CHD7: variants seen among roughly 807,000 people sequenced by gnomAD.
CHD7 encodes the protein chromodomain helicase DNA binding protein 7, also known as ATP-dependent chromatin remodeler CHD7.
A neutral mutation model predicts 307.3 loss-of-function variants in CHD7; 24 were observed. That is an observed-to-expected ratio of 0.08 (90% CI 0.06 to 0.11). The LOEUF is 0.11. CHD7 is among the 10% of genes least tolerant of loss of function. CHD7 has a pLI of 1.00. For synonymous variants in CHD7, 1,363 were observed against 1,349.9 expected (o/e 1.01, Z -0.21); for missense variants, 3,106 against 3,727.1 (o/e 0.83, Z 4.34).
chr8:60,809,778 A>G (rs913740127), intron 7 of CHD7, among the ~76,000 whole-genome samples: 2 of 151,902 alleles, frequency 1.3e-5, no homozygotes, highest in East Asian at 1.9e-4. Flanking sequence ...TGTTAGCCTT[A>G]TATTTGGATA....
chr8:60,800,100 G>A (rs753711722), intron 4 of CHD7, among the ~76,000 whole-genome samples: 22 of 151,378 alleles, frequency 1.5e-4, no homozygotes, highest in Non-Finnish European at 2.4e-4. Context: ...GCGAAATCTC[G>A]GCTCACTGCA....
At chr8:60,688,311 C>A (rs1013045673) in intron 1 of CHD7, among the ~76,000 whole-genome samples, 1 of 146,246 alleles carries the variant, frequency 6.8e-6, no homozygotes, top group African/African-American at 2.6e-5. Flanking sequence ...CTCCAGCTAA[C>A]ATACTTGGTA....
chr8:60,690,859 G>T (rs1253854428), intron 1 of CHD7, among the ~76,000 whole-genome samples: 4 of 152,188 alleles, frequency 2.6e-5, no homozygotes, highest in African/African-American at 4.8e-5. Flanking sequence ...GACAGTCGCC[G>T]ACTCCCTGTC....
chr8:60,740,654 A>G (rs1221743704), intron 1 of CHD7, among the ~76,000 whole-genome samples: 2 of 152,256 alleles, frequency 1.3e-5, no homozygotes, highest in Non-Finnish European at 2.9e-5. Context: ...CATTATGAAC[A>G]CTTTCTTGTT....
intron 7 of CHD7, among the ~76,000 whole-genome samples, chr8:60,812,662 CAAA>C (rs143111740): frequency 6.1e-5 from 5 of 81,996 alleles, no homozygotes; most frequent in African/African-American, 7.4e-5. Context: ...GACTACATCT[CAAA>C]AAAAAAAAAA....
chr8:60,766,970 A>G (rs893347132), intron 2 of CHD7, among the ~76,000 whole-genome samples: 11 of 152,220 alleles, frequency 7.2e-5, no homozygotes, highest in African/African-American at 2.7e-4. Context: ...CCAAACTCGG[A>G]GGCCTGGAGC....
chr8:60,757,908 C>T (rs1809973511), intron 2 of CHD7, among the ~76,000 whole-genome samples: 1 of 152,100 alleles, frequency 6.6e-6, no homozygotes, highest in South Asian at 2.1e-4. Context: ...AACTGCTTGT[C>T]TGTTTATAAT....
intron 34 of CHD7, 114 bp downstream of exon 34, chr8:60,857,002 T>G: frequency 1.2e-6 from 1 of 864,700 alleles, no homozygotes; most frequent in Non-Finnish European, 1.8e-6. Context: ...AAAGCCAGCT[T>G]CCTCCACTAA....
chr8:60,741,807 C>G lies in CHD7; in HGVS notation c.375C>G (p.Val125=). The G allele has an allele frequency of 6.2e-7, 1 of 1,613,910 alleles. No homozygotes were observed. The highest frequency in any genetic ancestry group is 8.5e-7 in the Non-Finnish European group (1 of 1,179,858). ...GCAGTGGTGGCGGTCAGATGGGTGT[C>G]TACCCTGGCATGCAGAATGAGAGGC... ...HGGSGGGQMG[V]YPGMQNERHG... Residue 125 remains valine (V), a synonymous_variant, in exon 2 of 38, where the codon GTC becomes GTG. Coordinates refer to ENST00000423902, the MANE Select transcript of CHD7 (RefSeq NM_017780.4).
intron 6 of CHD7, among the ~76,000 whole-genome samples, chr8:60,807,886 C>T (rs1416149644): frequency 6.6e-6 from 1 of 152,222 alleles, no homozygotes; most frequent in African/African-American, 2.4e-5. Flanking sequence ...GAAAATGGTA[C>T]ACTTGGCGTC....
chr8:60,807,325 G>C (rs1812582902), intron 6 of CHD7, among the ~76,000 whole-genome samples: 1 of 152,212 alleles, frequency 6.6e-6, no homozygotes, highest in Non-Finnish European at 1.5e-5. Context: ...CCAAACATCT[G>C]TAAGTGGTGT....
At chr8:60,823,214 G>A (rs1402655032) in intron 12 of CHD7, among the ~76,000 whole-genome samples, 1 of 152,106 alleles carries the variant, frequency 6.6e-6, no homozygotes, top group Non-Finnish European at 1.5e-5. Context: ...GCTGTTAGTA[G>A]CAATTGCTTT....
intron 3 of CHD7, among the ~76,000 whole-genome samples, chr8:60,794,699 T>G (rs1055136903): frequency 3.9e-5 from 6 of 152,350 alleles, no homozygotes; most frequent in Non-Finnish European, 2.9e-5. Flanking sequence ...TAATCTGATT[T>G]TTTATTATGG....
intron 8 of CHD7, among the ~76,000 whole-genome samples, chr8:60,819,237 G>C (rs923734821): frequency 6.6e-6 from 1 of 152,206 alleles, no homozygotes; most frequent in African/African-American, 2.4e-5. Flanking sequence ...ACAGGCGTGA[G>C]TCACTGTGCC....
intron 3 of CHD7, among the ~76,000 whole-genome samples, chr8:60,791,294 C>G (rs1375702395): frequency 2.0e-5 from 3 of 152,146 alleles, no homozygotes; most frequent in African/African-American, 7.2e-5. Flanking sequence ...ACAGGTGTTC[C>G]CTGCACATGG....
At chr8:60,681,357 C>G (rs928478755) in intron 1 of CHD7, among the ~76,000 whole-genome samples, 1 of 152,160 alleles carries the variant, frequency 6.6e-6, no homozygotes, top group African/African-American at 2.4e-5. Flanking sequence ...AACAGAAGCC[C>G]TCCAGTCTTT....
chr8:60,808,504 AT>A (rs1175657968), intron 7 of CHD7, among the ~76,000 whole-genome samples: 2 of 152,172 alleles, frequency 1.3e-5, no homozygotes, highest in Non-Finnish European at 2.9e-5. Context: ...ACCAATAAGT[AT>A]TTTTTTAGAG....
intron 34 of CHD7, among the ~76,000 whole-genome samples, chr8:60,858,426 A>G (rs979310076): frequency 8.5e-5 from 13 of 152,234 alleles, no homozygotes; most frequent in Admixed American, 2.6e-4. Flanking sequence ...TTCTAGGGGT[A>G]TGGCCCTCAG....
chr8:60,862,764 G>T (rs1347065556), intron 37 of CHD7, 112 bp downstream of exon 37: 3 of 688,790 alleles, frequency 4.4e-6, no homozygotes, highest in East Asian at 2.7e-5. Flanking sequence ...TAGCTTAAAA[G>T]AATTGACATA....
Sources: allele counts gnomAD v4.1 joint callset (sites outside exome capture counted in the v4.1 genomes callset), GRCh38; gene constraint gnomAD v4.1.1; transcripts MANE v1.5; gene names NCBI Gene and HGNC (gene_info 2026-07-23, HGNC 2026-07-21).